Variants in MUC7 observed in about 807,000 individuals in gnomAD.
MUC7 encodes mucin-7.
Under a neutral mutation model 2.5 loss-of-function variants are expected in MUC7, and 2 were observed. The ratio of observed to expected loss-of-function variants is 0.81; its 90% CI spans 0.33 to 2.55. The LOEUF is 2.55. MUC7 is among the 30% of genes most tolerant of loss of function. The pLI is 0.11. For synonymous variants in MUC7, 133 were observed against 173.4 expected (o/e 0.77, Z 1.83); for missense variants, 408 against 455.6 (o/e 0.90, Z 0.95).
chr4:70,461,507 A>G (rs979649215), intron 1 of MUC7, among the ~76,000 whole-genome samples: 1 of 152,216 alleles, frequency 6.6e-6, no homozygotes, highest in African/African-American at 2.4e-5. Context: ...TGCTATGAGT[A>G]TCCACTGATC....
chr4:70,475,769 T>A (rs1734980074), intron 2 of MUC7, among the ~76,000 whole-genome samples: 1 of 152,246 alleles, frequency 6.6e-6, no homozygotes, highest in South Asian at 2.1e-4. Context: ...AAGTGGAATG[T>A]ACTTTTTTAT....
rs150528376 is a variant in MUC7, at chr4:70,453,723, A to G, written c.-92-18492A>G. ...TCTCACCATAGCCACCACAGCTGGG[A>G]ATGATCTGGGTCTCACCTGAAGCCA... On this transcript the variant is annotated intron_variant, in intron 1 of 3. Transcript: ENST00000413702. 1.2e-3 allele frequency among the ~76,000 whole-genome samples: 188 copies of G among 152,278 alleles called. 2 individuals are homozygous for G. In the East Asian group the frequency reaches 0.026, roughly 21 times the overall value.
intron 1 of MUC7, among the ~76,000 whole-genome samples, chr4:70,459,130 G>T (rs1734483386): frequency 1.3e-5 from 2 of 152,034 alleles, no homozygotes; most frequent in African/African-American, 4.8e-5. Context: ...CAAAAAATAA[G>T]GATACAGAGA....
chr4:70,440,902 G>C (rs773751634), intron 1 of MUC7, among the ~76,000 whole-genome samples: 5 of 152,124 alleles, frequency 3.3e-5, no homozygotes, highest in Non-Finnish European at 5.9e-5. Flanking sequence ...GAAACATAAG[G>C]CATGCTAAAC....
chr4:70,453,539 C>A (rs1734343637), intron 1 of MUC7, among the ~76,000 whole-genome samples: 3 of 152,210 alleles, frequency 2.0e-5, no homozygotes, highest in Non-Finnish European at 4.4e-5. Flanking sequence ...CCTTCTGGTC[C>A]AGGGGATATC....
intron 1 of MUC7, among the ~76,000 whole-genome samples, chr4:70,437,446 G>C (rs186249741): frequency 2.6e-5 from 4 of 152,122 alleles, no homozygotes; most frequent in Non-Finnish European, 4.4e-5. Flanking sequence ...CCCTCCCCCC[G>C]CCACGCTGTA....
intron 1 of MUC7, among the ~76,000 whole-genome samples, chr4:70,457,455 T>C (rs573306763): frequency 5.9e-5 from 9 of 151,988 alleles, no homozygotes; most frequent in African/African-American, 2.2e-4. Flanking sequence ...CAATCAATCA[T>C]GTACACTTAT....
At chr4:70,478,768 T>C (rs1207072561) in intron 2 of MUC7, among the ~76,000 whole-genome samples, 1 of 152,180 alleles carries the variant, frequency 6.6e-6, no homozygotes, top group Admixed American at 6.5e-5. Context: ...CAGGGAAAGA[T>C]CTGTTTGAAC....
intron 1 of MUC7, among the ~76,000 whole-genome samples, chr4:70,446,706 A>G (rs1734149364): frequency 6.6e-6 from 1 of 152,148 alleles, no homozygotes; most frequent in African/African-American, 2.4e-5. Flanking sequence ...AATCTATAAC[A>G]CCATTTACCA....
intron 1 of MUC7, among the ~76,000 whole-genome samples, chr4:70,447,021 T>G (rs1734157685): frequency 1.7e-5 from 2 of 115,936 alleles, no homozygotes; most frequent in African/African-American, 6.6e-5. Flanking sequence ...GAGAAAGACA[T>G]CCCAACATGA....
At chr4:70,460,079 C>G (rs1333744869) in intron 1 of MUC7, among the ~76,000 whole-genome samples, 2 of 151,904 alleles carry the variant, frequency 1.3e-5, no homozygotes, top group Non-Finnish European at 2.9e-5. Context: ...TTTTTGGTAA[C>G]TATGTCTCTG....
intron 1 of MUC7, among the ~76,000 whole-genome samples, chr4:70,452,616 C>T (rs1472171834): frequency 6.6e-6 from 1 of 151,980 alleles, no homozygotes; most frequent in Non-Finnish European, 1.5e-5. Context: ...CTTTTTGTCT[C>T]TCTATTAATG....
Position 70,455,213 on chromosome 4 carries a change from G to A in MUC7, c.-92-17002G>A, listed in dbSNP as rs552119866. ...ACAATTAAGAGTGAGCCCCCTCTGT[G>A]TCTGCTTTCAAAGAACAGCAAAAAG... is the stretch of plus-strand genomic sequence containing the variant. On this transcript the variant is annotated intron_variant, in intron 1 of 3. Coordinates refer to the MUC7 transcript ENST00000413702. Among the ~76,000 whole-genome samples, 16 of 152,068 alleles carry A rather than the reference G, an allele frequency of 1.1e-4. No individual in the cohort carries two copies. In the East Asian group the frequency reaches 2.1e-3, roughly 20 times the overall value.
chr4:70,476,273 G>T (rs1302452059), intron 2 of MUC7, among the ~76,000 whole-genome samples: 1 of 152,088 alleles, frequency 6.6e-6, no homozygotes, highest in African/African-American at 2.4e-5. Flanking sequence ...GTTTTAATAA[G>T]GAATCCCTGG....
At chr4:70,456,027 T>C (rs1734401917) in intron 1 of MUC7, among the ~76,000 whole-genome samples, 1 of 152,166 alleles carries the variant, frequency 6.6e-6, no homozygotes, top group Non-Finnish European at 1.5e-5. Flanking sequence ...GCAATCCATA[T>C]CACTATCAAC....
chr4:70,456,565 G>T (rs1176298785), intron 1 of MUC7, among the ~76,000 whole-genome samples: 1 of 152,222 alleles, frequency 6.6e-6, no homozygotes, highest in East Asian at 1.9e-4. Context: ...GAGAACAAAG[G>T]GGGGACTGCC....
chr4:70,467,533 A>C (rs887418272), upstream of MUC7, among the ~76,000 whole-genome samples: 1 of 152,220 alleles, frequency 6.6e-6, no homozygotes, highest in Non-Finnish European at 1.5e-5. Flanking sequence ...AAAGAAGAAA[A>C]GAGAGAAGAA....
chr4:70,480,715 C>T (rs1735137546), intron 2 of MUC7, 84 bp from the exon 3 acceptor site: 1 of 1,376,786 alleles, frequency 7.3e-7, no homozygotes, highest in Non-Finnish European at 9.9e-7. Flanking sequence ...TCCACAAATA[C>T]CGCTCATCTC....
intron 2 of MUC7, among the ~76,000 whole-genome samples, chr4:70,474,913 G>A (rs1442092893): frequency 6.6e-6 from 1 of 152,182 alleles, no homozygotes. Context: ...TAAAAGATAA[G>A]AGTGGGTTTA....
Sources: allele counts gnomAD v4.1 joint callset (sites outside exome capture counted in the v4.1 genomes callset), GRCh38; gene constraint gnomAD v4.1.1; transcripts MANE v1.5; gene names NCBI Gene and HGNC (gene_info 2026-07-23, HGNC 2026-07-21).